The following IGDCC3 variants were observed in gnomAD, a reference collection of about 807,000 sequenced individuals.
IGDCC3 encodes the protein putative neuronal cell adhesion molecule.
IGDCC3 carries 47 observed loss-of-function variants against 72.0 expected under a neutral mutation model. That is an observed-to-expected ratio of 0.65 (90% CI 0.52 to 0.83). IGDCC3 has a LOEUF of 0.83. Among genes scored for constraint, IGDCC3 ranks in the 40% least tolerant of loss-of-function variants. The probability of loss-of-function intolerance (pLI) is 0.00; values close to 1 mark genes in which losing one functional copy is unlikely to be tolerated. For synonymous variants in IGDCC3, 477 were observed against 472.8 expected (o/e 1.01, Z -0.11); for missense variants, 1,038 against 1,091.3 (o/e 0.95, Z 0.69).
chr15:65,338,498 T>C (rs931763507), intron 2 of IGDCC3, among the ~76,000 whole-genome samples: 24 of 152,118 alleles, frequency 1.6e-4, no homozygotes, highest in African/African-American at 5.8e-4. Context: ...CTTCTCACGG[T>C]GTGGAGGAAA....
intron 6 of IGDCC3, 70 bp downstream of exon 6, chr15:65,333,187 G>T: frequency 7.0e-7 from 1 of 1,424,338 alleles, no homozygotes; most frequent in South Asian, 1.4e-5. Flanking sequence ...CCCTGGGGTT[G>T]GGCCTGGGCT....
chr15:65,329,096 G>C lies in IGDCC3; in HGVS notation c.2258C>G (p.Pro753Arg), dbSNP rs2090951433. 2 of 1,611,046 alleles carry C rather than the reference G, an allele frequency of 1.2e-6. No homozygotes were observed. Among genetic ancestry groups the C allele is most frequent in the Non-Finnish European group, 1.7e-6 (2 of 1,179,020 alleles). ...PCEETQLSVL[P>R]LQGCGLMEGK... ...CTCCATCAGGCCGCACCCCTGAAGT[G>C]GCAGCACGGAGAGCTGGGTCTCCTC... Residue 753 changes from proline (P) to arginine (R), a missense_variant, in exon 14 of 14, where the codon CCA (proline) becomes CGA (arginine). Coordinates refer to ENST00000327987, the MANE Select transcript of IGDCC3 (RefSeq NM_004884.4). The surrounding 1 kb of genome is among the most constrained non-coding windows in gnomAD (Gnocchi z 4.1).
intron 2 of IGDCC3, among the ~76,000 whole-genome samples, chr15:65,364,116 G>A (rs779442587): frequency 1.3e-5 from 2 of 152,118 alleles, no homozygotes; most frequent in Non-Finnish European, 2.9e-5. Context: ...CACATTACAT[G>A]CCTCCAGGTA....
At chr15:65,347,937 A>AAACAACAAC (rs138666608) in intron 2 of IGDCC3, among the ~76,000 whole-genome samples, 119 of 150,672 alleles carry the variant, frequency 7.9e-4, no homozygotes, top group East Asian at 3.4e-3. Context: ...ATTTCATCTC[A>AAACAACAAC]AACAACAACA....
In IGDCC3 at chr15:65,332,004, G is replaced by T; in HGVS notation, c.1085C>A (p.Thr362Lys). Reference protein sequence around the residue: ...QAQGEPPPHVTWLKNGQVLGP... With the variant: ...QAQGEPPPHVKWLKNGQVLGP... ...CAGCACCTGTCCATTTTTCAGCCAC[G>T]TGACATGAGGCGGTGGCTCACCCTG... is the stretch of plus-strand genomic sequence containing the variant. Residue 362 changes from threonine (T) to lysine (K), a missense_variant, in exon 7 of 14, where the codon ACG (threonine) becomes AAG (lysine). Physicochemically the swap from Thr to Lys is moderately conservative, Grantham distance 78 (BLOSUM62 -1). Coordinates refer to ENST00000327987, the MANE Select transcript of IGDCC3 (RefSeq NM_004884.4). 1 of 1,614,138 alleles carries T rather than the reference G, an allele frequency of 6.2e-7. No individual in the cohort carries two copies. The highest frequency in any genetic ancestry group is 8.5e-7 in the Non-Finnish European group (1 of 1,180,024).
intron 2 of IGDCC3, among the ~76,000 whole-genome samples, chr15:65,364,665 T>C (rs1018050908): frequency 1.3e-5 from 2 of 152,028 alleles, no homozygotes; most frequent in African/African-American, 4.8e-5. Context: ...GGTGGGAGGA[T>C]TGCTTGAGGA....
chr15:65,368,926 C>T (rs2091306246), intron 2 of IGDCC3, among the ~76,000 whole-genome samples: 1 of 152,104 alleles, frequency 6.6e-6, no homozygotes, highest in South Asian at 2.1e-4. Flanking sequence ...CCCAGAAGGC[C>T]ACATGTTCAT....
At chr15:65,372,666 C>A (rs1409717817) in intron 2 of IGDCC3, among the ~76,000 whole-genome samples, 1 of 152,126 alleles carries the variant, frequency 6.6e-6, no homozygotes, top group South Asian at 2.1e-4. Flanking sequence ...CCCCTCCCCA[C>A]GGGCCCCTGA....
rs1555429862 is a variant in IGDCC3 at position 65,328,317 on chromosome 15, T to TA, written c.*591dup. On this transcript the variant is annotated 3_prime_UTR_variant, in exon 14 of 14. Coordinates refer to ENST00000327987, the MANE Select transcript of IGDCC3 (RefSeq NM_004884.4). ...GTGCTTTTTTTTTTTTTTTTTTTTT[T>TA]ACTCTGGACAACAGTGTGGGAAGGG... 61 of 129,044 alleles carry TA rather than the reference T, an allele frequency of 4.7e-4. 1 individual carries two copies. The highest frequency in any genetic ancestry group is 6.5e-4 in the African/African-American group (24 of 36,828). The allele number at this position is 129,044 out of a possible 1,614,324, so 8.0% of individuals were successfully genotyped here.
At chr15:65,361,283 T>TTA (rs71830983) in intron 2 of IGDCC3, among the ~76,000 whole-genome samples, 2 of 149,238 alleles carry the variant, frequency 1.3e-5, no homozygotes, top group African/African-American at 5.0e-5. Context: ...ATAATAATAA[T>TTA]AAAAAAACAT....
rs193054979 is a variant in IGDCC3, at chr15:65,332,159, C to T, written c.983-53G>A. 2.4e-4 allele frequency: 379 copies of T among 1,571,800 alleles called. 4 individuals carry two copies. In the Middle Eastern group the frequency reaches 2.8e-3, roughly 12 times the overall value. On this transcript the variant is annotated intron_variant, in intron 6 of 13. Coordinates refer to ENST00000327987, the MANE Select transcript of IGDCC3 (RefSeq NM_004884.4). Reference sequence around the variant, plus strand: ...CGCAGACAGACACAGCTGTGAGTGACGGCATGAGGAAGGGAACAGGGGATG... The same window carrying T: ...CGCAGACAGACACAGCTGTGAGTGATGGCATGAGGAAGGGAACAGGGGATG...
chr15:65,347,877 A>C (rs1183650811), intron 2 of IGDCC3, among the ~76,000 whole-genome samples: 1 of 152,198 alleles, frequency 6.6e-6, no homozygotes, highest in East Asian at 1.9e-4. Context: ...CAAAGGTTGC[A>C]GTGAGCCGAG....
intron 2 of IGDCC3, among the ~76,000 whole-genome samples, chr15:65,360,773 T>C (rs2091255194): frequency 1.3e-5 from 2 of 152,006 alleles, no homozygotes; most frequent in South Asian, 2.1e-4. Flanking sequence ...TCTGGGCCCT[T>C]TCTTTCTTTT....
intron 1 of IGDCC3, among the ~76,000 whole-genome samples, chr15:65,376,924 G>A (rs1457041016): frequency 6.6e-6 from 1 of 152,170 alleles, no homozygotes; most frequent in African/African-American, 2.4e-5. Context: ...GGAACAGAGT[G>A]GTGGTGACCG....
intron 2 of IGDCC3, among the ~76,000 whole-genome samples, chr15:65,371,052 T>G (rs1230298793): frequency 6.6e-6 from 1 of 152,208 alleles, no homozygotes; most frequent in Non-Finnish European, 1.5e-5. Context: ...ACAACCCACA[T>G]TTAAACCACT....
At position 65,335,794 on chromosome 15, in the gene IGDCC3, T is replaced by C; in HGVS notation, c.554+18A>G. ...CCACCTCTTTGTCCTCCCTCTGTCT[T>C]TCCCACACGTGGCTCACCTCTCATT... On this transcript the variant is annotated intron_variant, in intron 3 of 13. Transcript: ENST00000327987. 6.2e-7 allele frequency: 1 copy of C among 1,613,910 alleles called. No homozygotes were observed. The highest frequency in any genetic ancestry group is 8.5e-7 in the Non-Finnish European group (1 of 1,179,822).
At chr15:65,350,559 TC>T (rs764032233) in intron 2 of IGDCC3, among the ~76,000 whole-genome samples, 1 of 151,530 alleles carries the variant, frequency 6.6e-6, no homozygotes. Flanking sequence ...CCTCCCAAGT[TC>T]AAGCAATTCT....
At chr15:65,355,852 G>A in intron 2 of IGDCC3, 1 of 381,416 alleles carries the variant, frequency 2.6e-6, no homozygotes. Context: ...ACCATTTCCC[G>A]CCACCCCCTC....
At chr15:65,375,475 C>A (rs768212895) in intron 1 of IGDCC3, 73 bp from the exon 2 acceptor site, 7 of 1,265,782 alleles carry the variant, frequency 5.5e-6, no homozygotes, top group Non-Finnish European at 7.6e-6. Flanking sequence ...AGAACTCCAC[C>A]CACATGGTTC....
Sources: allele counts gnomAD v4.1 joint callset (sites outside exome capture counted in the v4.1 genomes callset), GRCh38; gene constraint gnomAD v4.1.1; non-coding constraint Gnocchi (gnomAD v3.1); transcripts MANE v1.5; gene names NCBI Gene and HGNC (gene_info 2026-07-23, HGNC 2026-07-21).